The following XRCC5 variants were observed in gnomAD, a reference collection of about 807,000 sequenced individuals.
XRCC5 encodes DNA repair protein Ku80.
In XRCC5, 12 loss-of-function variants were observed where a neutral mutation model predicts 95.7. That is an observed-to-expected ratio of 0.13 (90% confidence interval 0.08 to 0.20). The LOEUF is 0.20. Among genes scored for constraint, XRCC5 ranks in the 10% least tolerant of loss-of-function variants. The probability of loss-of-function intolerance (pLI) is 1.00; values close to 1 mark genes in which losing one functional copy is unlikely to be tolerated. For synonymous variants in XRCC5, 281 were observed against 290.3 expected (o/e 0.97, Z 0.33); for missense variants, 595 against 873.9 (o/e 0.68, Z 4.02).
In XRCC5 at chr2:216,114,707, A is replaced by ACAGGTG. The variant is rs1415688696; in HGVS notation, c.135+1578_135+1579insCAGGTG. Among the ~76,000 whole-genome samples, 9 of 152,332 alleles carry ACAGGTG rather than the reference A, an allele frequency of 5.9e-5. No homozygotes were observed. In the South Asian group the frequency reaches 1.7e-3, roughly 28 times the overall value. On this transcript the variant is annotated intron_variant, in intron 2 of 20. Coordinates refer to ENST00000392132, the MANE Select transcript of XRCC5 (RefSeq NM_021141.4). ...ATGATTGGTGTCAGGAATTACAGGA[A>ACAGGTG]TCTTAACAGACAGAAAACACCTGGA...
chr2:216,178,760 G>C (rs1689325034), intron 16 of XRCC5, among the ~76,000 whole-genome samples: 1 of 152,152 alleles, frequency 6.6e-6, no homozygotes, highest in South Asian at 2.1e-4. Context: ...TTAAGGGAGG[G>C]AGGGGATAAA....
rs61758380 is a variant in XRCC5 at position 216,148,156 on chromosome 2, A to G, written c.1550A>G (p.Asn517Ser). ...CAGCAGCATATTTGGAATATGCTGA[A>G]TCCTCCCGCTGAGGTGACAACAAAA... ...PIQQHIWNML[N>S]PPAEVTTKSQ... Residue 517 changes from asparagine to serine, a missense_variant, in exon 14 of 21, where the codon AAT (asparagine) becomes AGT (serine). Physicochemically the swap from Asn to Ser is conservative, Grantham distance 46. Coordinates refer to ENST00000392132, the MANE Select transcript of XRCC5 (RefSeq NM_021141.4). The G allele has an allele frequency of 2.1e-4, 338 of 1,614,006 alleles. 1 individual carries two copies. Among genetic ancestry groups the G allele is most frequent in the Non-Finnish European group, 2.2e-4 (262 of 1,180,020 alleles).
intron 16 of XRCC5, among the ~76,000 whole-genome samples, chr2:216,180,677 G>A (rs979291903): frequency 1.3e-5 from 2 of 152,156 alleles, no homozygotes; most frequent in African/African-American, 2.4e-5. Flanking sequence ...TATGGTAAAG[G>A]TGGATAGGAG....
chr2:216,117,473 A>C, intron 3 of XRCC5: 2 of 454,220 alleles, frequency 4.4e-6, no homozygotes, highest in Non-Finnish European at 8.0e-6. Flanking sequence ...TCTAGATACT[A>C]TTAAATGACA....
chr2:216,151,319 C>T (rs1053238233), intron 14 of XRCC5, among the ~76,000 whole-genome samples: 5 of 152,158 alleles, frequency 3.3e-5, no homozygotes, highest in Non-Finnish European at 4.4e-5. Context: ...ATCTCTTGGA[C>T]GGGGAACTTG....
rs199802888 is a variant in XRCC5 at position 216,137,133 on chromosome 2, T to G, written c.1159T>G (p.Leu387Val). ...CTCCCTGATTCATGCTTTGGATGAC[T>G]TAGACATGGTGGCCATAGTTCGATA... is the stretch of plus-strand genomic sequence containing the variant. Reference protein sequence around the residue: ...LSSLIHALDDLDMVAIVRYAY... With the variant: ...LSSLIHALDDVDMVAIVRYAY... The change falls in exon 11 of 21, where the codon TTA becomes GTA. Residue 387 changes from leucine to valine, a missense_variant. By Grantham distance (32) the Leu-to-Val change is conservative. This residue lies in a region of XRCC5 where 286 missense variants were observed against 491.1 expected (regional missense o/e 0.58). Coordinates refer to ENST00000392132, the MANE Select transcript of XRCC5 (RefSeq NM_021141.4). The G allele has an allele frequency of 2.5e-6, 4 of 1,613,918 alleles. No individual in the cohort carries two copies. The highest frequency in any genetic ancestry group is 1.6e-4 in the Middle Eastern group (1 of 6,084).
intron 16 of XRCC5, among the ~76,000 whole-genome samples, chr2:216,165,494 T>G (rs1306927697): frequency 6.6e-6 from 1 of 152,254 alleles, no homozygotes; most frequent in Non-Finnish European, 1.5e-5. Context: ...CTGCCGTTCT[T>G]GGTGCCAGCT....
chr2:216,174,917 C>T (rs144949130), intron 16 of XRCC5: 21 of 345,456 alleles, frequency 6.1e-5, no homozygotes, highest in Middle Eastern at 4.1e-4. Context: ...CTACCATATC[C>T]GTCACGTCTA....
At chr2:216,123,497 T>C (rs929687052) in intron 6 of XRCC5, among the ~76,000 whole-genome samples, 5 of 152,182 alleles carry the variant, frequency 3.3e-5, no homozygotes, top group Non-Finnish European at 4.4e-5. Context: ...CTAAACATAT[T>C]ACCCATGATA....
chr2:216,175,297 AGAG>A, intron 16 of XRCC5: 1 of 447,186 alleles, frequency 2.2e-6, no homozygotes, highest in Admixed American at 2.6e-5. Context: ...TTCTACCACC[AGAG>A]CCTCCTCTTC....
Position 216,137,210 on chromosome 2 carries a change from C to T in XRCC5, c.1236C>T (p.Ile412=). Reference sequence around the variant, plus strand: ...AAGTCGGCGTGGCTTTTCCTCATATCAAGCATAACTATGAGGTAAAACCCA... The same window carrying T: ...AAGTCGGCGTGGCTTTTCCTCATATTAAGCATAACTATGAGGTAAAACCCA... ...NPQVGVAFPH[I]KHNYECLVYV... The change falls in exon 11 of 21, where the codon ATC becomes ATT. Residue 412 remains isoleucine (I), a synonymous_variant. Transcript: ENST00000392132. 1 of 1,613,294 alleles carries T rather than the reference C, an allele frequency of 6.2e-7. No homozygotes were observed. The highest frequency in any genetic ancestry group is 8.5e-7 in the Non-Finnish European group (1 of 1,179,554).
chr2:216,179,396 T>C (rs1467202502), intron 16 of XRCC5, among the ~76,000 whole-genome samples: 1 of 152,116 alleles, frequency 6.6e-6, no homozygotes, highest in Non-Finnish European at 1.5e-5. Flanking sequence ...TAAGGTCACG[T>C]TGTGAGGTTT....
rs1304404242 is a variant in XRCC5, at chr2:216,190,228, G to A, written c.1838G>A (p.Ser613Asn). 6.2e-7 allele frequency: 1 copy of A among 1,613,438 alleles called. No individual in the cohort carries two copies. Among genetic ancestry groups the A allele is most frequent in the Non-Finnish European group, 8.5e-7 (1 of 1,179,746 alleles). The change falls in exon 17 of 21, where the codon AGT becomes AAT. Residue 613 changes from serine (S) to asparagine (N), a missense_variant. By Grantham distance (46) the Ser-to-Asn change is conservative (BLOSUM62 1). This residue lies in a region of XRCC5 where 309 missense variants were observed against 382.9 expected (regional missense o/e 0.81). Transcript: ENST00000392132. ...KQKKASFEEA[S>N]NQLINHIEQF... ...AATTTGTTGTCTTATGTTTTAGCGA[G>A]TAACCAGCTCATAAATCACATCGAA... is the stretch of plus-strand genomic sequence containing the variant.
chr2:216,173,788 T>C (rs1318367373), intron 16 of XRCC5, among the ~76,000 whole-genome samples: 1 of 152,180 alleles, frequency 6.6e-6, no homozygotes, highest in Non-Finnish European at 1.5e-5. Flanking sequence ...CCTGATTTCT[T>C]CTCTGTCTCT....
intron 14 of XRCC5, among the ~76,000 whole-genome samples, chr2:216,157,776 A>G (rs1228741019): frequency 6.6e-6 from 1 of 152,236 alleles, no homozygotes; most frequent in Non-Finnish European, 1.5e-5. Flanking sequence ...AGGAGAAAGA[A>G]CAAATTACCC....
rs1410836896 is a variant in XRCC5, at chr2:216,117,507, A to G, written c.320-239A>G. On this transcript the variant is annotated intron_variant, in intron 3 of 20. Coordinates refer to ENST00000392132, the MANE Select transcript of XRCC5 (RefSeq NM_021141.4). ...CATAATTTTTGGTTAAATGAATGCA[A>G]TGTGTTAGATTACCTTTTGTTTATA... 4 of 484,306 alleles carry G rather than the reference A, an allele frequency of 8.3e-6. No homozygotes were observed. In the East Asian group the frequency reaches 9.0e-5, roughly 11 times the overall value. 30.0% of individuals were successfully genotyped at this position (484,306 alleles called of 1,614,324 possible).
chr2:216,122,296 C>A (rs374554291), intron 6 of XRCC5, 43 bp downstream of exon 6: 13 of 1,547,328 alleles, frequency 8.4e-6, no homozygotes, highest in Non-Finnish European at 1.1e-5. Flanking sequence ...ATTGTACCCA[C>A]GTAAATTTCT....
intron 16 of XRCC5, among the ~76,000 whole-genome samples, chr2:216,168,103 G>T (rs1427115740): frequency 6.6e-6 from 1 of 152,192 alleles, no homozygotes; most frequent in Non-Finnish European, 1.5e-5. Flanking sequence ...GTTTGGAATT[G>T]TAGAGAATAC....
chr2:216,202,420 GTTTA>G (rs1288409185), intron 19 of XRCC5, among the ~76,000 whole-genome samples: 4 of 152,178 alleles, frequency 2.6e-5, no homozygotes, highest in Non-Finnish European at 4.4e-5. Context: ...GGATAGAGTA[GTTTA>G]TTTAACCTTT....
Sources: gnomAD v4.1 joint callset for allele counts (sites outside exome capture counted in the v4.1 genomes callset) on GRCh38, gnomAD v4.1.1 for gene constraint, gnomAD v4.1.1 regional missense constraint, MANE v1.5 for transcripts, NCBI Gene and HGNC (gene_info 2026-07-23, HGNC 2026-07-21) for gene names.